FANCL: variants seen among roughly 807,000 people sequenced by gnomAD.
FANCL encodes E3 ubiquitin-protein ligase FANCL.
Under a neutral mutation model 59.4 loss-of-function variants are expected in FANCL, and 69 were observed. The observed-to-expected ratio is 1.16, with a 90% CI of 0.96 to 1.42. The LOEUF is 1.42. FANCL is among the 40% of genes most tolerant of loss of function. The probability of loss-of-function intolerance (pLI) is 0.00; values close to 1 mark genes in which losing one functional copy is unlikely to be tolerated. For synonymous variants in FANCL, 180 were observed against 147.1 expected (o/e 1.22, Z -1.62); for missense variants, 519 against 447.2 (o/e 1.16, Z -1.45).
intron 3 of FANCL, 77 bp from the exon 4 acceptor site, chr2:58,226,861 C>T: frequency 8.2e-7 from 1 of 1,219,802 alleles, no homozygotes; most frequent in Non-Finnish European, 1.2e-6. Flanking sequence ...AAAATGTAGG[C>T]CCAAGTGAAT....
chr2:58,176,874 C>A (rs975624192), intron 7 of FANCL, among the ~76,000 whole-genome samples: 5 of 152,074 alleles, frequency 3.3e-5, no homozygotes, highest in Admixed American at 1.3e-4. Flanking sequence ...TTTTCGCAAC[C>A]TACTCATCTG....
At chr2:58,214,913 A>C (rs910414658) in intron 5 of FANCL, among the ~76,000 whole-genome samples, 1 of 152,104 alleles carries the variant, frequency 6.6e-6, no homozygotes, top group Admixed American at 6.5e-5. Flanking sequence ...TGATTCAAAA[A>C]TCTCATATCA....
intron 5 of FANCL, among the ~76,000 whole-genome samples, chr2:58,215,932 G>A (rs752203283): frequency 6.6e-6 from 1 of 151,834 alleles, no homozygotes; most frequent in Non-Finnish European, 1.5e-5. Context: ...CATAATACAA[G>A]GAGAAATTAA....
intron 7 of FANCL, among the ~76,000 whole-genome samples, chr2:58,196,942 T>C (rs1273938927): frequency 6.6e-6 from 1 of 151,800 alleles, no homozygotes; most frequent in Non-Finnish European, 1.5e-5. Flanking sequence ...AAATGTGTAT[T>C]TTAAAAAAAG....
intron 7 of FANCL, among the ~76,000 whole-genome samples, chr2:58,172,004 A>AAACT (rs1686688293): frequency 6.6e-6 from 1 of 152,172 alleles, no homozygotes; most frequent in Non-Finnish European, 1.5e-5. Flanking sequence ...TTGCTAGCAC[A>AAACT]GCAGTCTAAG....
chr2:58,234,186 T>C (rs975377897), intron 1 of FANCL, among the ~76,000 whole-genome samples: 1 of 151,958 alleles, frequency 6.6e-6, no homozygotes, highest in Non-Finnish European at 1.5e-5. Flanking sequence ...ACAGACTCCA[T>C]GCAAACAAAA....
At chr2:58,174,854 G>C (rs932231131) in intron 7 of FANCL, among the ~76,000 whole-genome samples, 2 of 152,108 alleles carry the variant, frequency 1.3e-5, no homozygotes, top group Non-Finnish European at 2.9e-5. Context: ...CCAGGAGCTG[G>C]TTTTCTGAAA....
chr2:58,233,573 AG>A (rs1693763510), intron 1 of FANCL, among the ~76,000 whole-genome samples: 2 of 152,082 alleles, frequency 1.3e-5, no homozygotes, highest in Non-Finnish European at 2.9e-5. Flanking sequence ...GTTTTCAGCC[AG>A]AAGACAGGGT....
chr2:58,171,352 C>T (rs1412810252), intron 7 of FANCL, among the ~76,000 whole-genome samples: 3 of 152,160 alleles, frequency 2.0e-5, no homozygotes, highest in African/African-American at 7.2e-5. Context: ...CACAATGTAC[C>T]AGAATCTCTG....
intron 6 of FANCL, among the ~76,000 whole-genome samples, chr2:58,200,747 A>C (rs1449713243): frequency 2.0e-5 from 3 of 151,980 alleles, no homozygotes; most frequent in Admixed American, 2.0e-4. Context: ...ACAAACAGTT[A>C]AACAAAAAAG....
At chr2:58,191,340 T>C (rs1254115516) in intron 7 of FANCL, among the ~76,000 whole-genome samples, 3 of 151,884 alleles carry the variant, frequency 2.0e-5, no homozygotes, top group African/African-American at 4.8e-5. Context: ...ACTCACATGT[T>C]TTCTCTTACT....
rs1279278094 is a variant in FANCL, at chr2:58,221,910, G to C, written c.374+32C>G. 2.8e-6 allele frequency: 4 copies of C among 1,410,282 alleles called. No individual in the cohort carries two copies. The African/African-American group carries it at 5.7e-5, about 20-fold the overall frequency. 87.4% of individuals were successfully genotyped at this position (1,410,282 alleles called of 1,614,324 possible). ...ATTAAGTTAAAATATATAAAACAAA[G>C]GCATTTAAAACATATTTTAAAACAG... On this transcript the variant is annotated intron_variant, in intron 5 of 13. Coordinates refer to ENST00000233741, the MANE Select transcript of FANCL (RefSeq NM_018062.4).
intron 7 of FANCL, among the ~76,000 whole-genome samples, chr2:58,190,799 T>C (rs1329684147): frequency 6.6e-6 from 1 of 151,936 alleles, no homozygotes; most frequent in Non-Finnish European, 1.5e-5. Flanking sequence ...GTCTCTACTA[T>C]TTACAAACTC....
intron 5 of FANCL, among the ~76,000 whole-genome samples, chr2:58,219,664 G>GA (rs149603717): frequency 0.027 from 4,054 of 152,078 alleles, 220 homozygotes; most frequent in African/African-American, 0.093. Flanking sequence ...CAAAAGTCAG[G>GA]TAAGATTAGC....
chr2:58,225,988 AATAAT>A (rs1692964824), intron 4 of FANCL, among the ~76,000 whole-genome samples: 1 of 152,060 alleles, frequency 6.6e-6, no homozygotes, highest in South Asian at 2.1e-4. Context: ...TTGAGGTTAT[AATAAT>A]ATATTTAAAA....
chr2:58,202,676 A>G (rs191933765), intron 6 of FANCL, among the ~76,000 whole-genome samples: 2 of 152,024 alleles, frequency 1.3e-5, no homozygotes, highest in African/African-American at 4.8e-5. Flanking sequence ...GCATCATCTT[A>G]TCTACCTTGA....
chr2:58,185,769 A>G (rs1573621741), intron 7 of FANCL, among the ~76,000 whole-genome samples: 1 of 152,176 alleles, frequency 6.6e-6, no homozygotes, highest in Non-Finnish European at 1.5e-5. Flanking sequence ...ATTGCTTAAG[A>G]AGCACAAGTT....
At chr2:58,172,848 G>A (rs1480957157) in intron 7 of FANCL, among the ~76,000 whole-genome samples, 4 of 152,188 alleles carry the variant, frequency 2.6e-5, no homozygotes, top group Non-Finnish European at 5.9e-5. Context: ...TGAGCTACAG[G>A]AGGAAATTCA....
chr2:58,195,177 G>T (rs1396264461), intron 7 of FANCL, among the ~76,000 whole-genome samples: 1 of 151,916 alleles, frequency 6.6e-6, no homozygotes, highest in Non-Finnish European at 1.5e-5. Flanking sequence ...AATTAAAAAA[G>T]ATTACACATA....
Sources: gnomAD v4.1 joint callset for allele counts (sites outside exome capture counted in the v4.1 genomes callset) on GRCh38, gnomAD v4.1.1 for gene constraint, MANE v1.5 for transcripts, NCBI Gene and HGNC (gene_info 2026-07-23, HGNC 2026-07-21) for gene names.